Variants in SLCO2B1 observed in about 807,000 individuals in gnomAD.
SLCO2B1 encodes OATP-RP2.
A neutral mutation model predicts 67.3 loss-of-function variants in SLCO2B1; 41 were observed. The observed-to-expected ratio is 0.61, with a 90% CI of 0.47 to 0.79. The LOEUF is 0.79. SLCO2B1 is among the 30% of genes least tolerant of loss of function. The probability of loss-of-function intolerance (pLI) is 0.00; values close to 1 mark genes in which losing one functional copy is unlikely to be tolerated. For synonymous variants in SLCO2B1, 379 were observed against 381.4 expected (o/e 0.99, Z 0.07); for missense variants, 837 against 920.1 (o/e 0.91, Z 1.17).
chr11:75,189,137 G>A (rs756523025), intron 8 of SLCO2B1, among the ~76,000 whole-genome samples: 2 of 152,148 alleles, frequency 1.3e-5, no homozygotes, highest in African/African-American at 4.8e-5. Flanking sequence ...CTGAGACTAC[G>A]AACTCAGTCT....
rs143479322 is a variant in SLCO2B1, at chr11:75,180,286, T to C, written c.972+7717T>C. ...CCTGCCTCTGCCTCCCAAAGTGTCT[T>C]AGCTATTTTTAAGTGTATAATAAAT... On this transcript the variant is annotated intron_variant, in intron 7 of 13. Coordinates refer to ENST00000289575, the MANE Select transcript of SLCO2B1 (RefSeq NM_007256.5). 9.9e-3 allele frequency among the ~76,000 whole-genome samples: 1,509 copies of C among 152,228 alleles called. 23 individuals carry two copies. Among genetic ancestry groups the C allele is most frequent in the African/African-American group, 0.034 (1,417 of 41,566 alleles).
intron 1 of SLCO2B1, among the ~76,000 whole-genome samples, chr11:75,153,828 A>G (rs1262835324): frequency 1.1e-4 from 16 of 152,100 alleles, no homozygotes; most frequent in Admixed American, 9.2e-4. Context: ...ATTGGGAGCT[A>G]TAGAAAGTAT....
intron 7 of SLCO2B1, among the ~76,000 whole-genome samples, chr11:75,178,417 GA>G (rs1950052691): frequency 6.6e-6 from 1 of 152,172 alleles, no homozygotes; most frequent in Non-Finnish European, 1.5e-5. Context: ...CTCTTAAGGG[GA>G]AAACTAAGAG....
chr11:75,154,940 C>A (rs900892594), intron 1 of SLCO2B1, among the ~76,000 whole-genome samples: 2 of 152,200 alleles, frequency 1.3e-5, no homozygotes, highest in African/African-American at 4.8e-5. Flanking sequence ...CCATAGCTGC[C>A]TATCTCTGAG....
intron 3 of SLCO2B1, among the ~76,000 whole-genome samples, chr11:75,164,900 A>G (rs881217): frequency 0.28 from 42,250 of 151,938 alleles, 6,883 homozygotes; most frequent in African/African-American, 0.41. Flanking sequence ...CCTATCTATG[A>G]ATACGGCCAC....
intron 1 of SLCO2B1, among the ~76,000 whole-genome samples, chr11:75,153,947 A>G (rs1391755211): frequency 3.0e-5 from 4 of 134,324 alleles, no homozygotes; most frequent in Admixed American, 1.6e-4. Flanking sequence ...TTTTTTTGAG[A>G]CAGAGTCTTA....
intron 13 of SLCO2B1, 42 bp from the exon 14 acceptor site, chr11:75,204,358 C>A: frequency 6.5e-7 from 1 of 1,548,496 alleles, no homozygotes; most frequent in Non-Finnish European, 8.7e-7. Context: ...CATGCCCTGG[C>A]CTGGCAGCTC....
At chr11:75,163,456 TG>T (rs1489301193) in intron 2 of SLCO2B1, among the ~76,000 whole-genome samples, 2 of 151,582 alleles carry the variant, frequency 1.3e-5, no homozygotes, top group African/African-American at 4.9e-5. Flanking sequence ...AGAGGACTAG[TG>T]GGGGTGGGAT....
At position 75,200,219 on chromosome 11, in the gene SLCO2B1, T is replaced by C; in HGVS notation, c.1600-5T>C. 1.9e-6 allele frequency: 3 copies of C among 1,608,154 alleles called. No individual in the cohort carries two copies. Among genetic ancestry groups the C allele is most frequent in the Non-Finnish European group, 2.6e-6 (3 of 1,176,218 alleles). On this transcript the variant is annotated splice_region_variant and splice_polypyrimidine_tract_variant and intron_variant, in intron 10 of 13. Coordinates refer to ENST00000289575, the MANE Select transcript of SLCO2B1 (RefSeq NM_007256.5). Reference sequence around the variant, plus strand: ...TGAAGTCTCTTCCTCCTCTTCCCACTCCAGGTTTTCTACACCAACTGCAGC... The same window carrying C: ...TGAAGTCTCTTCCTCCTCTTCCCACCCCAGGTTTTCTACACCAACTGCAGC...
intron 1 of SLCO2B1, among the ~76,000 whole-genome samples, chr11:75,160,805 A>T (rs1949810384): frequency 1.3e-5 from 2 of 152,240 alleles, no homozygotes; most frequent in Admixed American, 1.3e-4. Flanking sequence ...CAAGATATAC[A>T]AATGGCAGTA....
rs12417183 is a variant in SLCO2B1 at position 75,160,962 on chromosome 11, C to G, written c.17-1693C>G. Among the ~76,000 whole-genome samples the G allele has an allele frequency of 1.1e-3, 173 of 152,316 alleles. 1 individual carries two copies. The highest frequency in any genetic ancestry group is 4.1e-3 in the African/African-American group (169 of 41,570). On this transcript the variant is annotated intron_variant, in intron 1 of 13. Coordinates refer to ENST00000289575, the MANE Select transcript of SLCO2B1 (RefSeq NM_007256.5). Reference sequence around the variant, plus strand: ...TAGCAAAGATGTAGAGAAATTGGGACATTGCTGGAGGGAGTGTAAAATGGT... The same window carrying G: ...TAGCAAAGATGTAGAGAAATTGGGAGATTGCTGGAGGGAGTGTAAAATGGT...
At chr11:75,169,059 T>C (rs981915599) in intron 4 of SLCO2B1, 114 bp from the exon 5 acceptor site, 3 of 844,508 alleles carry the variant, frequency 3.6e-6, no homozygotes, top group African/African-American at 3.4e-5. Flanking sequence ...TTGAGGTTTG[T>C]TGTGGGGCTC....
intron 7 of SLCO2B1, among the ~76,000 whole-genome samples, chr11:75,176,443 T>C (rs1057064920): frequency 6.6e-6 from 1 of 152,214 alleles, no homozygotes; most frequent in African/African-American, 2.4e-5. Context: ...TTCTGGAATA[T>C]GTCTGAGAGG....
At position 75,204,435 on chromosome 11, in the gene SLCO2B1, C is replaced by A. The variant is rs1208262279; in HGVS notation, c.1985C>A (p.Ser662Tyr). 1 of 1,611,458 alleles carries A rather than the reference C, an allele frequency of 6.2e-7. No homozygotes were observed. Among genetic ancestry groups the A allele is most frequent in the Admixed American group, 1.7e-5 (1 of 59,588 alleles). ...CTCCAGTTCTTCTTCAAAACAGGTT[C>A]TGTGATCTGCTTCGCCTTAGTTTTG... is the stretch of plus-strand genomic sequence containing the variant. ...IGLQFFFKTGSVICFALVLAV... is the reference protein window; with the variant it reads ...IGLQFFFKTGYVICFALVLAV... Residue 662 changes from serine (S) to tyrosine (Y), a missense_variant, in exon 14 of 14, where the codon TCT becomes TAT. Transcript: ENST00000289575.
At chr11:75,160,631 C>G (rs1949807277) in intron 1 of SLCO2B1, among the ~76,000 whole-genome samples, 1 of 152,214 alleles carries the variant, frequency 6.6e-6, no homozygotes, top group Non-Finnish European at 1.5e-5. Flanking sequence ...ACTCCTCTTC[C>G]CTAGGCCAAT....
Position 75,203,438 on chromosome 11 carries a change from G to A in SLCO2B1, c.1949+11G>A, listed in dbSNP as rs1308137361. 3 of 1,614,022 alleles carry A rather than the reference G, an allele frequency of 1.9e-6. No homozygotes were observed. The highest frequency in any genetic ancestry group is 2.5e-6 in the Non-Finnish European group (3 of 1,179,936). ...CCTGCTCCGAAACCGGTGAGACCTGGTTTGATGGCTTGTGGGAAGGGTGCT... is the reference window on the plus strand; with the variant it reads ...CCTGCTCCGAAACCGGTGAGACCTGATTTGATGGCTTGTGGGAAGGGTGCT... On this transcript the variant is annotated intron_variant, in intron 13 of 13. Coordinates refer to ENST00000289575, the MANE Select transcript of SLCO2B1 (RefSeq NM_007256.5).
chr11:75,192,659 T>C (rs1945040098), intron 8 of SLCO2B1, among the ~76,000 whole-genome samples: 1 of 152,060 alleles, frequency 6.6e-6, no homozygotes. Flanking sequence ...CAGAACTATA[T>C]GGAACTGAAT....
chr11:75,186,510 AT>A lies in SLCO2B1; in HGVS notation c.973-1616del, dbSNP rs796721700. Among the ~76,000 whole-genome samples, 364 of 147,458 alleles carry A rather than the reference AT, an allele frequency of 2.5e-3. 3 individuals carry two copies. The highest frequency in any genetic ancestry group is 8.6e-3 in the African/African-American group (344 of 40,064). On this transcript the variant is annotated intron_variant, in intron 7 of 13. Transcript: ENST00000289575. ...AGGTGTGAGCCGCCACGCCCGACTGATTTTTTTTTTATTTTTATTTTTAGTA... is the reference window on the plus strand; with the variant it reads ...AGGTGTGAGCCGCCACGCCCGACTGATTTTTTTTTATTTTTATTTTTAGTA...
chr11:75,198,517 G>A (rs1468112834), intron 10 of SLCO2B1, among the ~76,000 whole-genome samples: 2 of 152,228 alleles, frequency 1.3e-5, no homozygotes, highest in African/African-American at 4.8e-5. Flanking sequence ...GAGAAATGGA[G>A]GCCCAGGAAA....
Sources: gnomAD v4.1 joint callset for allele counts (sites outside exome capture counted in the v4.1 genomes callset) on GRCh38, gnomAD v4.1.1 for gene constraint, MANE v1.5 for transcripts, NCBI Gene and HGNC (gene_info 2026-07-23, HGNC 2026-07-21) for gene names.